PCDHGA2: variants seen among roughly 807,000 people sequenced by gnomAD.
PCDHGA2 encodes protocadherin gamma-A2.
PCDHGA2 carries 40 observed loss-of-function variants against 59.2 expected under a neutral mutation model. The observed-to-expected ratio is 0.68, with a 90% confidence interval of 0.52 to 0.88. PCDHGA2 has a LOEUF of 0.88. PCDHGA2 is among the 40% of genes least tolerant of loss of function. The pLI is 0.00. For synonymous variants in PCDHGA2, 560 were observed against 526.0 expected, an observed-to-expected ratio of 1.06 and a Z score of -0.89; for missense variants, 1,226 against 1,204.0, an observed-to-expected ratio of 1.02 and a Z score of -0.27.
intron 1 of PCDHGA2, chr5:141,398,248 A>G (rs908511447): frequency 1.4e-6 from 2 of 1,472,692 alleles, no homozygotes; most frequent in African/African-American, 2.9e-5. Flanking sequence ...TCCCGAGGAA[A>G]TGCCCAAGGG....
At chr5:141,386,154 A>T (rs1211383292) in intron 1 of PCDHGA2, among the ~76,000 whole-genome samples, 2 of 152,222 alleles carry the variant, frequency 1.3e-5, no homozygotes, top group Non-Finnish European at 2.9e-5. Context: ...CAACTGTCTC[A>T]CGTACTCAAA....
intron 3 of PCDHGA2, among the ~76,000 whole-genome samples, chr5:141,506,045 C>G (rs1379226123): frequency 6.6e-6 from 1 of 152,078 alleles, no homozygotes; most frequent in Non-Finnish European, 1.5e-5. Flanking sequence ...TCTGGTTTTC[C>G]CATAAGGTTG....
At chr5:141,406,072 CTT>C (rs530474569) in intron 1 of PCDHGA2, among the ~76,000 whole-genome samples, 69 of 141,430 alleles carry the variant, frequency 4.9e-4, no homozygotes, top group African/African-American at 9.6e-4. Flanking sequence ...ATTCTTACTC[CTT>C]TTTTTTTTTT....
chr5:141,374,126 C>T, intron 1 of PCDHGA2: 1 of 1,602,982 alleles, frequency 6.2e-7, no homozygotes, highest in Middle Eastern at 1.7e-4. Flanking sequence ...CGAGCAGGTC[C>T]TGCTCCTCAC....
At chr5:141,383,622 C>G (rs780650375) in intron 1 of PCDHGA2, 19 of 1,613,798 alleles carry the variant, frequency 1.2e-5, no homozygotes, top group Admixed American at 3.3e-5. Flanking sequence ...ACACGCCTGT[C>G]TTCTCTCTGC....
At chr5:141,346,470 A>C (rs374721996) in intron 1 of PCDHGA2, 6 of 1,613,754 alleles carry the variant, frequency 3.7e-6, no homozygotes, top group South Asian at 2.2e-5. Flanking sequence ...GAGTTTATTT[A>C]TTTCTTTGAT....
chr5:141,379,173 A>G (rs556120661), intron 1 of PCDHGA2: 5 of 152,374 alleles, frequency 3.3e-5, no homozygotes, highest in Non-Finnish European at 1.5e-5. Context: ...CTTCTTAAAG[A>G]TAACATTGAG....
At chr5:141,351,121 C>T (rs940356720) in intron 1 of PCDHGA2, 10 of 1,614,066 alleles carry the variant, frequency 6.2e-6, no homozygotes, top group Admixed American at 3.3e-5. Context: ...GTACCAGCCT[C>T]TTCAATCTCA....
intron 1 of PCDHGA2, among the ~76,000 whole-genome samples, chr5:141,460,961 A>ATATGTGTGTGTG (rs1463306338): frequency 4.1e-5 from 6 of 144,616 alleles, no homozygotes; most frequent in Admixed American, 1.4e-4. Flanking sequence ...GTATATATAT[A>ATATGTGTGTGTG]TGTGTGTGTG....
intron 1 of PCDHGA2, chr5:141,375,606 A>T: frequency 6.2e-7 from 1 of 1,613,922 alleles, no homozygotes; most frequent in Non-Finnish European, 8.5e-7. Context: ...GTGTCCATCA[A>T]CTCCGACACT....
At chr5:141,365,296 G>T in intron 1 of PCDHGA2, 1 of 1,614,002 alleles carries the variant, frequency 6.2e-7, no homozygotes, top group Non-Finnish European at 8.5e-7. Flanking sequence ...TGGTAGCTCA[G>T]GATGGAGGCG....
intron 1 of PCDHGA2, chr5:141,410,687 T>C: frequency 6.6e-7 from 1 of 1,518,632 alleles, no homozygotes; most frequent in Non-Finnish European, 8.8e-7. Flanking sequence ...TTAGGCATAC[T>C]ACTTTATTTT....
chr5:141,352,335 T>C (rs1758983241), intron 1 of PCDHGA2: 2 of 1,613,948 alleles, frequency 1.2e-6, no homozygotes, highest in African/African-American at 1.3e-5. Context: ...GTTGTGGCCT[T>C]GGCCTTGATC....
intron 1 of PCDHGA2, chr5:141,362,457 G>C (rs1290295372): frequency 6.2e-7 from 1 of 1,614,004 alleles, no homozygotes; most frequent in South Asian, 1.1e-5. Context: ...CCCCGGAATT[G>C]GTTCCCGCGC....
chr5:141,390,187 G>T, intron 1 of PCDHGA2: 1 of 1,614,040 alleles, frequency 6.2e-7, no homozygotes, highest in Non-Finnish European at 8.5e-7. Flanking sequence ...CTAAAATGTA[G>T]TGAGCAGTTG....
intron 1 of PCDHGA2, chr5:141,346,607 T>C (rs1757776639): frequency 8.4e-7 from 1 of 1,185,344 alleles, no homozygotes; most frequent in South Asian, 1.6e-5. Flanking sequence ...TCTGGGCCTA[T>C]AGTAGGACTG....
chr5:141,378,324 A>G (rs1774802625), intron 1 of PCDHGA2: 1 of 152,258 alleles, frequency 6.6e-6, no homozygotes, highest in African/African-American at 2.4e-5. Flanking sequence ...GGAGTTCGAG[A>G]CCAGCCTGAC....
chr5:141,446,398 G>A (rs1379233102), intron 1 of PCDHGA2, among the ~76,000 whole-genome samples: 2 of 152,128 alleles, frequency 1.3e-5, no homozygotes, highest in African/African-American at 2.4e-5. Context: ...AAGAGAAATC[G>A]AGTTGAGTTC....
In PCDHGA2 at chr5:141,432,897, C is replaced by A. The variant is rs780142081; in HGVS notation, c.2425-61910C>A. 1.2e-6 allele frequency: 2 copies of A among 1,614,178 alleles called. No individual in the cohort carries two copies. Among genetic ancestry groups the A allele is most frequent in the Non-Finnish European group, 1.7e-6 (2 of 1,180,010 alleles). On this transcript the variant is annotated intron_variant, in intron 1 of 3. Coordinates refer to ENST00000394576, the MANE Select transcript of PCDHGA2 (RefSeq NM_018915.4). The surrounding 1 kb of genome is among the most constrained non-coding windows in gnomAD (Gnocchi z 6.0). ...CTGGCCTTCGTCATCTTGCTGCTGGCGCTCAGGCTGCGGCGCTGGCACAAG... is the reference window on the plus strand; with the variant it reads ...CTGGCCTTCGTCATCTTGCTGCTGGAGCTCAGGCTGCGGCGCTGGCACAAG...
Sources: allele counts gnomAD v4.1 joint callset (sites outside exome capture counted in the v4.1 genomes callset), GRCh38; gene constraint gnomAD v4.1.1; non-coding constraint Gnocchi (gnomAD v3.1); transcripts MANE v1.5; gene names NCBI Gene and HGNC (gene_info 2026-07-23, HGNC 2026-07-21).